The following ENOX1 variants were observed in gnomAD, a reference collection of about 807,000 sequenced individuals.
ENOX1 encodes the protein candidate growth-related and time keeping constitutive hydroquinone (NADH) oxidase.
In ENOX1, 42 loss-of-function variants were observed where a neutral mutation model predicts 82.5. The ratio of observed to expected loss-of-function variants is 0.51; its 90% CI spans 0.40 to 0.66. The LOEUF (loss-of-function observed/expected upper bound fraction) is 0.66, where lower values mean the gene tolerates loss of function less well. Ranked by LOEUF, ENOX1 falls within the 30% of genes least tolerant of loss-of-function variation. The probability of loss-of-function intolerance (pLI) is 0.00; values close to 1 mark genes in which losing one functional copy is unlikely to be tolerated. For missense variants in ENOX1, 608 were observed against 811.6 expected (o/e 0.75, Z 3.05); for synonymous variants, 271 against 282.2 (o/e 0.96, Z 0.40).
chr13:43,378,391 C>T (rs963263272), intron 5 of ENOX1, among the ~76,000 whole-genome samples: 1 of 152,160 alleles, frequency 6.6e-6, no homozygotes, highest in Non-Finnish European at 1.5e-5. Context: ...ACATCTCTCC[C>T]TGGAGATATA....
chr13:43,480,243 A>G (rs2058457864), intron 3 of ENOX1, among the ~76,000 whole-genome samples: 1 of 152,114 alleles, frequency 6.6e-6, no homozygotes, highest in South Asian at 2.1e-4. Flanking sequence ...CTGGCTGGTT[A>G]CTAAACATTC....
At chr13:43,614,974 GT>G (rs1390347369) in intron 2 of ENOX1, among the ~76,000 whole-genome samples, 3 of 152,130 alleles carry the variant, frequency 2.0e-5, no homozygotes, top group Non-Finnish European at 4.4e-5. Context: ...GTACATTAAA[GT>G]TTGAGGAGCC....
rs1047316372 is a variant in ENOX1 at position 43,384,997 on chromosome 13, G to GA, written c.209-23546dup. Among the ~76,000 whole-genome samples, 5 of 151,842 alleles carry GA rather than the reference G, an allele frequency of 3.3e-5. No individual in the cohort carries two copies. The East Asian group carries it at 7.7e-4, about 24-fold the overall frequency. ...AAGGATATTGTGTAGAAAGCTCAGG[G>GA]AAAAAAAAGTGTGTGGTATGTTGGC... On this transcript the variant is annotated intron_variant, in intron 5 of 16. Coordinates refer to ENST00000690772, the MANE Select transcript of ENOX1 (RefSeq NM_001347969.2).
intron 3 of ENOX1, among the ~76,000 whole-genome samples, chr13:43,454,224 C>T (rs1404529823): frequency 6.6e-6 from 1 of 151,966 alleles, no homozygotes; most frequent in Admixed American, 6.6e-5. Flanking sequence ...CCCACTTTGC[C>T]TACCACTCCT....
chr13:43,719,847 T>C (rs1462818924), intron 1 of ENOX1, among the ~76,000 whole-genome samples: 3 of 152,154 alleles, frequency 2.0e-5, no homozygotes, highest in Non-Finnish European at 4.4e-5. Context: ...ATTCTGACCT[T>C]CTGTTTAAGA....
At position 43,223,764 on chromosome 13, in the gene ENOX1, C is replaced by T. The variant is rs191776277; in HGVS notation, c.1800+289G>A. Among the ~76,000 whole-genome samples, 32 of 152,292 alleles carry T rather than the reference C, an allele frequency of 2.1e-4. No homozygotes were observed. In the East Asian group the frequency reaches 5.4e-3, roughly 26 times the overall value. ...CCTGATTTCACCCTTATTTTGGGAACTTTCAGGTGAACCTATATTTTTAAA... is the reference window on the plus strand; with the variant it reads ...CCTGATTTCACCCTTATTTTGGGAATTTTCAGGTGAACCTATATTTTTAAA... On this transcript the variant is annotated intron_variant, in intron 16 of 16. Transcript: ENST00000690772.
intron 2 of ENOX1, among the ~76,000 whole-genome samples, chr13:43,639,773 T>C (rs942379005): frequency 6.6e-6 from 1 of 152,246 alleles, no homozygotes; most frequent in South Asian, 2.1e-4. Flanking sequence ...CTCATGCCTG[T>C]AATCCAGCAG....
At chr13:43,373,091 A>G (rs140435113) in intron 5 of ENOX1, among the ~76,000 whole-genome samples, 11 of 152,274 alleles carry the variant, frequency 7.2e-5, no homozygotes, top group African/African-American at 2.6e-4. Context: ...TAAACATTAT[A>G]TCATTTGTGT....
At chr13:43,263,587 T>G (rs1182416261) in intron 14 of ENOX1, among the ~76,000 whole-genome samples, 1 of 152,236 alleles carries the variant, frequency 6.6e-6, no homozygotes, top group Admixed American at 6.5e-5. Flanking sequence ...TGTCTATACA[T>G]GTATCATCTA....
At chr13:43,342,203 C>G (rs1594043200) in intron 9 of ENOX1, among the ~76,000 whole-genome samples, 1 of 152,172 alleles carries the variant, frequency 6.6e-6, no homozygotes, top group South Asian at 2.1e-4. Flanking sequence ...TTCTGTTACT[C>G]ACATGTGGAT....
intron 5 of ENOX1, among the ~76,000 whole-genome samples, chr13:43,398,324 A>G (rs1487858896): frequency 2.0e-5 from 3 of 152,218 alleles, no homozygotes; most frequent in African/African-American, 7.2e-5. Flanking sequence ...ATGTAGCATC[A>G]GACAAGCTTC....
At chr13:43,303,055 C>T (rs758367742) in intron 11 of ENOX1, among the ~76,000 whole-genome samples, 6 of 152,330 alleles carry the variant, frequency 3.9e-5, no homozygotes, top group Middle Eastern at 3.4e-3. Flanking sequence ...ATTCCCCCTC[C>T]ACTTTGCCAG....
chr13:43,776,630 C>T (rs1310927094), intron 1 of ENOX1, among the ~76,000 whole-genome samples: 1 of 152,140 alleles, frequency 6.6e-6, no homozygotes, highest in Non-Finnish European at 1.5e-5. Context: ...AGCCTACCAC[C>T]AGATAGTGAG....
intron 1 of ENOX1, among the ~76,000 whole-genome samples, chr13:43,737,965 G>A (rs1489966089): frequency 6.6e-6 from 1 of 152,148 alleles, no homozygotes; most frequent in Non-Finnish European, 1.5e-5. Flanking sequence ...GAAAATTTGA[G>A]CTATGATTTT....
At chr13:43,326,390 G>C in intron 10 of ENOX1, 29 bp downstream of exon 10, 1 of 1,583,338 alleles carries the variant, frequency 6.3e-7, no homozygotes, top group East Asian at 2.2e-5. Flanking sequence ...GTGTGATGGT[G>C]GTTAAAAAGT....
At chr13:43,549,425 T>G (rs1466960046) in intron 2 of ENOX1, among the ~76,000 whole-genome samples, 1 of 152,184 alleles carries the variant, frequency 6.6e-6, no homozygotes, top group African/African-American at 2.4e-5. Flanking sequence ...AATAACTCAT[T>G]AGGAAGCACA....
intron 2 of ENOX1, among the ~76,000 whole-genome samples, chr13:43,624,460 C>T (rs2082879037): frequency 1.3e-5 from 2 of 152,050 alleles, no homozygotes; most frequent in South Asian, 4.2e-4. Flanking sequence ...GATATGAAGT[C>T]TAAGAACTTT....
chr13:43,595,897 C>T (rs2081449249), intron 2 of ENOX1, among the ~76,000 whole-genome samples: 3 of 152,090 alleles, frequency 2.0e-5, no homozygotes, highest in African/African-American at 4.8e-5. Flanking sequence ...TAAAGACTTA[C>T]ACAGACCATT....
intron 2 of ENOX1, among the ~76,000 whole-genome samples, chr13:43,566,678 T>A (rs2079934710): frequency 6.6e-6 from 1 of 151,886 alleles, no homozygotes; most frequent in South Asian, 2.1e-4. Flanking sequence ...GAACTTTGAG[T>A]TATTTGTACT....
Sources: allele counts gnomAD v4.1 joint callset (sites outside exome capture counted in the v4.1 genomes callset), GRCh38; gene constraint gnomAD v4.1.1; transcripts MANE v1.5; gene names NCBI Gene and HGNC (gene_info 2026-07-23, HGNC 2026-07-21).